The following B4GALT6 variants were observed in gnomAD, a reference collection of about 807,000 sequenced individuals.
B4GALT6 encodes the protein beta-1,4-galactosyltransferase 6.
B4GALT6 carries 14 observed loss-of-function variants against 46.3 expected under a neutral mutation model. The ratio of observed to expected loss-of-function variants is 0.30; its 90% CI spans 0.20 to 0.47. The LOEUF (loss-of-function observed/expected upper bound fraction) is 0.47, where lower values mean the gene tolerates loss of function less well. Ranked by LOEUF, B4GALT6 falls within the 20% of genes least tolerant of loss-of-function variation. The pLI is 0.99. For missense variants in B4GALT6, 386 were observed against 480.1 expected, an observed-to-expected ratio of 0.80 and a Z score of 1.83; for synonymous variants, 168 against 162.0, an observed-to-expected ratio of 1.04 and a Z score of -0.28.
intron 6 of B4GALT6, among the ~76,000 whole-genome samples, chr18:31,628,843 T>C (rs896202010): frequency 2.6e-5 from 4 of 152,230 alleles, no homozygotes; most frequent in Non-Finnish European, 5.9e-5. Flanking sequence ...CAGCTGACGC[T>C]TGAACAACAC....
the B4GALT6 span, among the ~76,000 whole-genome samples, chr18:31,706,675 G>T: frequency 7.2e-4 from 110 of 152,172 alleles, no homozygotes; most frequent in African/African-American, 2.3e-3. Context: ...AACTTCTAAA[G>T]ACTCTCTTCA....
At chr18:31,718,341 A>G in the B4GALT6 span, among the ~76,000 whole-genome samples, 1 of 152,246 alleles carries the variant, frequency 6.6e-6, no homozygotes, top group Non-Finnish European at 1.5e-5. Flanking sequence ...AGCCATCTGT[A>G]CTAAAATGTT....
chr18:31,650,993 C>T (rs1323940661), intron 3 of B4GALT6, among the ~76,000 whole-genome samples: 1 of 152,110 alleles, frequency 6.6e-6, no homozygotes, highest in Non-Finnish European at 1.5e-5. Context: ...GTCTCAATCT[C>T]CTGAGCTTGT....
intron 4 of B4GALT6, among the ~76,000 whole-genome samples, chr18:31,639,712 T>C (rs1164618227): frequency 6.6e-5 from 10 of 152,146 alleles, no homozygotes; most frequent in Admixed American, 6.5e-5. Context: ...AGAAAAAACA[T>C]GTACATGGAA....
At chr18:31,663,623 T>C (rs557200510) in intron 2 of B4GALT6, among the ~76,000 whole-genome samples, 1 of 152,374 alleles carries the variant, frequency 6.6e-6, no homozygotes, top group Admixed American at 6.5e-5. Flanking sequence ...TGTTAAATTA[T>C]AAATGAGCCA....
At chr18:31,698,586 G>T in the B4GALT6 span, among the ~76,000 whole-genome samples, 9 of 151,738 alleles carry the variant, frequency 5.9e-5, no homozygotes, top group South Asian at 1.5e-3. Context: ...AGCCAAGATC[G>T]TGCCACTGCA....
chr18:31,652,798 G>A (rs1390813732), intron 3 of B4GALT6, among the ~76,000 whole-genome samples: 2 of 152,068 alleles, frequency 1.3e-5, no homozygotes, highest in Admixed American at 6.6e-5. Context: ...TCTCTCCAAC[G>A]CCACAGCCTT....
At chr18:31,702,466 A>G in the B4GALT6 span, among the ~76,000 whole-genome samples, 10 of 152,244 alleles carry the variant, frequency 6.6e-5, no homozygotes, top group South Asian at 2.1e-4. Flanking sequence ...GATTCCATGT[A>G]AGTTGATACA....
intron 3 of B4GALT6, among the ~76,000 whole-genome samples, chr18:31,650,577 G>A (rs546170994): frequency 2.0e-5 from 3 of 152,244 alleles, no homozygotes; most frequent in Non-Finnish European, 4.4e-5. Flanking sequence ...AAAGCGGTCT[G>A]AGCCTTGTTC....
chr18:31,672,820 T>G (rs2074371683), intron 1 of B4GALT6, among the ~76,000 whole-genome samples: 1 of 152,140 alleles, frequency 6.6e-6, no homozygotes, highest in Admixed American at 6.5e-5. Context: ...ATCCCAGCAG[T>G]GTGGCCCCAG....
chr18:31,704,148 G>A, the B4GALT6 span, among the ~76,000 whole-genome samples: 3 of 151,510 alleles, frequency 2.0e-5, no homozygotes, highest in African/African-American at 7.3e-5. Flanking sequence ...CTAATCTGAA[G>A]AGGACTTCAG....
the B4GALT6 span, among the ~76,000 whole-genome samples, chr18:31,716,132 A>G: frequency 6.6e-6 from 1 of 152,210 alleles, no homozygotes; most frequent in Non-Finnish European, 1.5e-5. Flanking sequence ...GGGGATGGCA[A>G]TGATGAGGGA....
chr18:31,710,953 C>T, the B4GALT6 span, among the ~76,000 whole-genome samples: 5 of 152,048 alleles, frequency 3.3e-5, no homozygotes, highest in Non-Finnish European at 7.4e-5. Flanking sequence ...TAAATTTCCA[C>T]GCATACTTCC....
At chr18:31,677,078 A>G (rs911866680) in intron 1 of B4GALT6, among the ~76,000 whole-genome samples, 2 of 152,368 alleles carry the variant, frequency 1.3e-5, no homozygotes, top group Admixed American at 6.5e-5. Context: ...TAATGAACAC[A>G]TAACACAACA....
rs1201269092 is a variant in B4GALT6, at chr18:31,622,362, T to C, written c.*3252A>G. Reference sequence around the variant, plus strand: ...ACTAGCATTTATTTCAGTGCATTTATGTAGAAGCCTTTCATCTAAATAAAT... The same window carrying C: ...ACTAGCATTTATTTCAGTGCATTTACGTAGAAGCCTTTCATCTAAATAAAT... On this transcript the variant is annotated 3_prime_UTR_variant, in exon 9 of 9. Coordinates refer to ENST00000306851, the MANE Select transcript of B4GALT6 (RefSeq NM_004775.5). 2.0e-5 allele frequency: 3 copies of C among 152,100 alleles called. No homozygotes were observed. The highest frequency in any genetic ancestry group is 7.2e-5 in the African/African-American group (3 of 41,460). The allele number at this position is 152,100 out of a possible 1,614,324, so 9.4% of individuals were successfully genotyped here.
At chr18:31,720,928 A>G in the B4GALT6 span, among the ~76,000 whole-genome samples, 1 of 152,194 alleles carries the variant, frequency 6.6e-6, no homozygotes, top group Non-Finnish European at 1.5e-5. Context: ...GTTTAAAGGC[A>G]AAAGGGAGAA....
intron 3 of B4GALT6, 49 bp from the exon 4 acceptor site, chr18:31,645,528 G>A: frequency 6.4e-7 from 1 of 1,566,908 alleles, no homozygotes; most frequent in South Asian, 1.2e-5. Flanking sequence ...TTGCCTCAAA[G>A]ATCTAGTAGA....
At chr18:31,647,458 G>A (rs537913903) in intron 3 of B4GALT6, among the ~76,000 whole-genome samples, 59 of 152,082 alleles carry the variant, frequency 3.9e-4, no homozygotes, top group African/African-American at 1.2e-3. Flanking sequence ...CACACTCCTC[G>A]GGGTTGTGCA....
intron 3 of B4GALT6, among the ~76,000 whole-genome samples, chr18:31,652,819 CTTG>C (rs1371102126): frequency 6.6e-6 from 1 of 152,156 alleles, no homozygotes; most frequent in Non-Finnish European, 1.5e-5. Context: ...GGCACTTGCC[CTTG>C]TTGTTGCCCG....
Sources: allele counts gnomAD v4.1 joint callset (sites outside exome capture counted in the v4.1 genomes callset), GRCh38; gene constraint gnomAD v4.1.1; transcripts MANE v1.5; gene names NCBI Gene and HGNC (gene_info 2026-07-23, HGNC 2026-07-21).